Variants in THSD7A observed in about 807,000 individuals in gnomAD.
THSD7A encodes the protein thrombospondin type 1 domain containing 7A.
THSD7A carries 96 observed loss-of-function variants against 231.3 expected under a neutral mutation model. The observed-to-expected ratio is 0.41, with a 90% CI of 0.35 to 0.49. The LOEUF (loss-of-function observed/expected upper bound fraction) is 0.49. Ranked by LOEUF, THSD7A falls within the 20% of genes least tolerant of loss-of-function variation. The pLI, the probability that THSD7A is intolerant of heterozygous loss-of-function variation, is 0.05. For missense variants in THSD7A, 2,290 were observed against 2,070.2 expected, an observed-to-expected ratio of 1.11 and a Z score of -2.06; for synonymous variants, 940 against 743.3, an observed-to-expected ratio of 1.26 and a Z score of -4.30.
chr7:11,620,571 C>T (rs1781270080), intron 2 of THSD7A, among the ~76,000 whole-genome samples: 1 of 152,192 alleles, frequency 6.6e-6, no homozygotes. Flanking sequence ...TGACAACACC[C>T]TTCTCATCCT....
intron 1 of THSD7A, among the ~76,000 whole-genome samples, chr7:11,681,301 C>G (rs1335344850): frequency 6.6e-6 from 1 of 151,814 alleles, no homozygotes; most frequent in Non-Finnish European, 1.5e-5. Flanking sequence ...CTAGGCAATA[C>G]CATTCAGGAC....
At chr7:11,762,516 C>T (rs7802402) in intron 1 of THSD7A, among the ~76,000 whole-genome samples, 2 of 152,022 alleles carry the variant, frequency 1.3e-5, no homozygotes, top group African/African-American at 2.4e-5. Context: ...GTTTGCTGGC[C>T]GCTCAGGTGT....
At chr7:11,515,002 C>A (rs1787970905) in intron 6 of THSD7A, among the ~76,000 whole-genome samples, 1 of 152,122 alleles carries the variant, frequency 6.6e-6, no homozygotes, top group Admixed American at 6.6e-5. Flanking sequence ...AATTTATACT[C>A]ATTTGAATCC....
At chr7:11,484,159 G>A (rs1786548677) in intron 6 of THSD7A, among the ~76,000 whole-genome samples, 1 of 151,860 alleles carries the variant, frequency 6.6e-6, no homozygotes, top group Non-Finnish European at 1.5e-5. Context: ...ACCCATCTAA[G>A]ATCCAACATC....
intron 1 of THSD7A, among the ~76,000 whole-genome samples, chr7:11,642,743 T>C (rs771173491): frequency 6.6e-6 from 1 of 152,134 alleles, no homozygotes; most frequent in South Asian, 2.1e-4. Flanking sequence ...AGGCTAGTGC[T>C]TTAAGTATAA....
intron 1 of THSD7A, among the ~76,000 whole-genome samples, chr7:11,733,296 A>G (rs539082663): frequency 3.3e-5 from 5 of 151,940 alleles, no homozygotes; most frequent in African/African-American, 9.6e-5. Context: ...TATCCCCATG[A>G]ATTTTCATTT....
chr7:11,464,364 G>A (rs1785619438), intron 9 of THSD7A, among the ~76,000 whole-genome samples: 1 of 152,014 alleles, frequency 6.6e-6, no homozygotes, highest in Non-Finnish European at 1.5e-5. Flanking sequence ...TTAAGACCAG[G>A]GGATTTGGGG....
At chr7:11,772,089 T>C (rs752010794) in intron 1 of THSD7A, among the ~76,000 whole-genome samples, 9 of 152,174 alleles carry the variant, frequency 5.9e-5, no homozygotes, top group Admixed American at 2.0e-4. Flanking sequence ...CAGTCTTCAG[T>C]ATTTCTTTAA....
At chr7:11,797,412 CTT>C (rs59662790) in intron 1 of THSD7A, among the ~76,000 whole-genome samples, 106 of 109,002 alleles carry the variant, frequency 9.7e-4, no homozygotes, top group African/African-American at 3.2e-3. Context: ...CTGCCTCTCT[CTT>C]TTTTTTTTTT....
intron 11 of THSD7A, among the ~76,000 whole-genome samples, chr7:11,448,547 G>A (rs375402230): frequency 6.6e-6 from 1 of 152,072 alleles, no homozygotes; most frequent in South Asian, 2.1e-4. Flanking sequence ...CCATGAAATC[G>A]AGGTGAAGGA....
chr7:11,456,307 C>T (rs1021893360), intron 11 of THSD7A, among the ~76,000 whole-genome samples: 39 of 152,038 alleles, frequency 2.6e-4, no homozygotes, highest in African/African-American at 8.2e-4. Flanking sequence ...TCTGGTTTCA[C>T]CTTTAGCCCC....
At chr7:11,818,673 C>A (rs190432481) in intron 1 of THSD7A, among the ~76,000 whole-genome samples, 2 of 152,304 alleles carry the variant, frequency 1.3e-5, no homozygotes, top group African/African-American at 4.8e-5. Context: ...GATTTATTAA[C>A]CATACCAGAG....
chr7:11,803,600 T>C (rs1321074485), intron 1 of THSD7A, among the ~76,000 whole-genome samples: 2 of 152,170 alleles, frequency 1.3e-5, no homozygotes, highest in African/African-American at 4.8e-5. Flanking sequence ...TACTCATTTA[T>C]GGTGACGGAT....
intron 1 of THSD7A, among the ~76,000 whole-genome samples, chr7:11,723,340 G>C (rs1781427481): frequency 7.0e-6 from 1 of 142,944 alleles, no homozygotes; most frequent in Non-Finnish European, 1.5e-5. Context: ...TAGGGGGAGG[G>C]GGGAGGGATA....
intron 1 of THSD7A, among the ~76,000 whole-genome samples, chr7:11,759,097 T>C (rs1210559523): frequency 6.6e-6 from 1 of 151,884 alleles, no homozygotes; most frequent in African/African-American, 2.4e-5. Flanking sequence ...AGAATTCCAA[T>C]AGCTAATGTT....
At chr7:11,780,883 C>T (rs982573492) in intron 1 of THSD7A, among the ~76,000 whole-genome samples, 1 of 149,126 alleles carries the variant, frequency 6.7e-6, no homozygotes, top group Non-Finnish European at 1.5e-5. Context: ...CCCAGCTACT[C>T]GGGAGGCTGA....
intron 6 of THSD7A, among the ~76,000 whole-genome samples, chr7:11,526,682 TGTTTGGCA>T (rs1788488459): frequency 6.6e-6 from 1 of 152,092 alleles, no homozygotes; most frequent in Non-Finnish European, 1.5e-5. Context: ...GTTTTAAAAG[TGTTTGGCA>T]GTTCCCCCTT....
chr7:11,438,491 A>G (rs1449499110), intron 13 of THSD7A, among the ~76,000 whole-genome samples: 1 of 151,974 alleles, frequency 6.6e-6, no homozygotes, highest in Admixed American at 6.6e-5. Context: ...TGCTTAAGCT[A>G]CTCATTAATG....
intron 1 of THSD7A, among the ~76,000 whole-genome samples, chr7:11,667,894 C>T (rs1783207228): frequency 6.6e-6 from 1 of 152,044 alleles, no homozygotes; most frequent in Non-Finnish European, 1.5e-5. Context: ...TATGTATTAG[C>T]ATAAAACAAC....
Sources: gnomAD v4.1 joint callset for allele counts (sites outside exome capture counted in the v4.1 genomes callset) on GRCh38, gnomAD v4.1.1 for gene constraint, MANE v1.5 for transcripts, NCBI Gene and HGNC (gene_info 2026-07-23, HGNC 2026-07-21) for gene names.